MYO7B: variants seen among roughly 807,000 people sequenced by gnomAD.
MYO7B encodes the protein myosin VIIB.
In MYO7B, 212 loss-of-function variants were observed where a neutral mutation model predicts 259.7. That is an observed-to-expected ratio of 0.82 (90% CI 0.73 to 0.91). The LOEUF (loss-of-function observed/expected upper bound fraction) is 0.91. MYO7B is among the 40% of genes least tolerant of loss of function. The probability of loss-of-function intolerance (pLI) is 0.00; values close to 1 mark genes in which losing one functional copy is unlikely to be tolerated. For missense variants in MYO7B, 2,732 were observed against 2,813.5 expected (o/e 0.97, Z 0.66); for synonymous variants, 1,197 against 1,166.4 (o/e 1.03, Z -0.54).
intron 6 of MYO7B, among the ~76,000 whole-genome samples, chr2:127,572,588 CCTTT>C (rs1314457063): frequency 1.4e-5 from 2 of 148,018 alleles, no homozygotes; most frequent in East Asian, 2.0e-4. Context: ...CTCCTTCCTT[CCTTT>C]CTTTTTCTCC....
At chr2:127,630,117 G>A (rs1253263604) in intron 35 of MYO7B, among the ~76,000 whole-genome samples, 1 of 152,180 alleles carries the variant, frequency 6.6e-6, no homozygotes, top group South Asian at 2.1e-4. Flanking sequence ...CTCTGACCCA[G>A]GGGGACTCAA....
At chr2:127,632,108 G>A in intron 38 of MYO7B, 138 bp from the exon 39 acceptor site, 1 of 1,045,992 alleles carries the variant, frequency 9.6e-7, no homozygotes, top group Non-Finnish European at 1.4e-6. Flanking sequence ...AGCTGGCATG[G>A]TGCAGCCTGG....
Position 127,607,379 on chromosome 2 carries a change from C to A in MYO7B, c.2598C>A (p.Ala866=). 6.4e-7 allele frequency: 1 copy of A among 1,551,386 alleles called. No individual in the cohort carries two copies. The highest frequency in any genetic ancestry group is 2.0e-5 in the Admixed American group (1 of 51,008). Residue 866 remains alanine, a synonymous_variant, in exon 21 of 48, where the codon GCC becomes GCA. Transcript: ENST00000409816. This position sits in a 1 kb window ranked among gnomAD's most constrained non-coding sequence, Gnocchi z 4.4. The part of the protein sequence containing the change: ...RRAVVVIQAH[A]RGMAARRNFQ... Reference sequence around the variant, plus strand: ...CAGTGGTGGTCATTCAGGCCCATGCCAGGGGCATGGCTGCCCGGCGCAACT... The same window carrying A: ...CAGTGGTGGTCATTCAGGCCCATGCAAGGGGCATGGCTGCCCGGCGCAACT...
In MYO7B at chr2:127,628,986, C is replaced by T. The variant is rs1204979307; in HGVS notation, c.4624+451C>T. ...GAGCCTAGTTCTTGGCCACAGCTCT[C>T]CCACAAGCCAGCACTCCATCGAGAG... On this transcript the variant is annotated intron_variant, in intron 34 of 47. Transcript: ENST00000409816. This position sits in a 1 kb window ranked among gnomAD's most constrained non-coding sequence, Gnocchi z 4.8. Among the ~76,000 whole-genome samples, 1 of 152,226 alleles carries T rather than the reference C, an allele frequency of 6.6e-6. No individual in the cohort carries two copies. The highest frequency in any genetic ancestry group is 1.5e-5 in the Non-Finnish European group (1 of 68,032).
At chr2:127,612,453 G>A in intron 25 of MYO7B, 23 bp from the exon 26 acceptor site, 1 of 1,551,670 alleles carries the variant, frequency 6.4e-7, no homozygotes, top group South Asian at 1.2e-5. Context: ...TAGCTGTCCT[G>A]ATGGCTGCCT....
Position 127,587,293 on chromosome 2 carries a change from G to A in MYO7B, c.1691-1099G>A, listed in dbSNP as rs115713808. The stretch of plus-strand genomic sequence containing the variant: ...AGGCCATTCTTACTCATGGCCGGAG[G>A]GGAGACATGGGATCTTCTCACCCGC... On this transcript the variant is annotated intron_variant, in intron 14 of 47. Transcript: ENST00000409816. Among the ~76,000 whole-genome samples the A allele has an allele frequency of 1.0e-2, 1,522 of 152,252 alleles. 27 individuals are homozygous for A. The highest frequency in any genetic ancestry group is 0.035 in the African/African-American group (1,439 of 41,536).
At chr2:127,551,402 C>T (rs1693438868) in intron 1 of MYO7B, among the ~76,000 whole-genome samples, 1 of 152,192 alleles carries the variant, frequency 6.6e-6, no homozygotes, top group Non-Finnish European at 1.5e-5. Flanking sequence ...ACAACACGGG[C>T]CTCTCCTTAG....
rs1678905845 is a variant in MYO7B at position 127,577,210 on chromosome 2, G to T, written c.849+502G>T. On this transcript the variant is annotated intron_variant, in intron 8 of 47. Coordinates refer to ENST00000409816, the MANE Select transcript of MYO7B (RefSeq NM_001393586.1). This position sits in a 1 kb window ranked among gnomAD's most constrained non-coding sequence, Gnocchi z 5.2. ...GGCCCTCAGGAGAACTGCGCCTCCTGGTTTATTGACCACAGAGTGGACCCA... is the reference window on the plus strand; with the variant it reads ...GGCCCTCAGGAGAACTGCGCCTCCTTGTTTATTGACCACAGAGTGGACCCA... Among the ~76,000 whole-genome samples the T allele has an allele frequency of 6.6e-6, 1 of 152,078 alleles. No homozygotes were observed. The highest frequency in any genetic ancestry group is 2.4e-5 in the African/African-American group (1 of 41,404).
chr2:127,555,232 C>A (rs1310194435), intron 1 of MYO7B, among the ~76,000 whole-genome samples: 8 of 152,194 alleles, frequency 5.3e-5, no homozygotes, highest in Non-Finnish European at 1.5e-5. Flanking sequence ...CAGGCTTGAG[C>A]CACCGTGCCT....
chr2:127,628,984 C>T lies in MYO7B; in HGVS notation c.4624+449C>T, dbSNP rs1461416590. On this transcript the variant is annotated intron_variant, in intron 34 of 47. Coordinates refer to ENST00000409816, the MANE Select transcript of MYO7B (RefSeq NM_001393586.1). The surrounding 1 kb of genome is among the most constrained non-coding windows in gnomAD (Gnocchi z 4.8). ...GGGAGCCTAGTTCTTGGCCACAGCT[C>T]TCCCACAAGCCAGCACTCCATCGAG... Among the ~76,000 whole-genome samples the T allele has an allele frequency of 5.3e-5, 8 of 152,232 alleles. No individual in the cohort carries two copies. The highest frequency in any genetic ancestry group is 1.7e-4 in the African/African-American group (7 of 41,456).
intron 10 of MYO7B, 83 bp downstream of exon 10, chr2:127,580,905 A>AT: frequency 7.4e-7 from 1 of 1,344,032 alleles, no homozygotes; most frequent in Non-Finnish European, 1.0e-6. Context: ...CCTGATTCTT[A>AT]TAACCCTACC....
At chr2:127,578,831 A>G (rs1293497225) in intron 9 of MYO7B, among the ~76,000 whole-genome samples, 1 of 152,228 alleles carries the variant, frequency 6.6e-6, no homozygotes, top group African/African-American at 2.4e-5. Context: ...TAAACAGTAG[A>G]AATCGATCCA....
At position 127,634,614 on chromosome 2, in the gene MYO7B, G is replaced by A. The variant is rs149477491; in HGVS notation, c.5644G>A (p.Gly1882Arg). 2.5e-5 allele frequency: 40 copies of A among 1,612,644 alleles called. No individual in the cohort carries two copies. In the African/African-American group the frequency reaches 3.5e-4, roughly 14 times the overall value. ...ISDKVISQKE[G>R]DFFFDSLREV... Reference sequence around the variant, plus strand: ...TCCCCAGGTCATCAGCCAGAAGGAGGGAGACTTCTTCTTTGATTCCTTGAG... The same window carrying A: ...TCCCCAGGTCATCAGCCAGAAGGAGAGAGACTTCTTCTTTGATTCCTTGAG... Residue 1882 changes from glycine (G) to arginine (R), a missense_variant, in exon 42 of 48, where the codon GGA becomes AGA. By Grantham distance (125) the Gly-to-Arg change is moderately radical (BLOSUM62 -2). Around this residue, in one of 3 missense-constraint regions of MYO7B, gnomAD observed 821 missense variants for 769.3 expected, o/e 1.07. Coordinates refer to ENST00000409816, the MANE Select transcript of MYO7B (RefSeq NM_001393586.1).
chr2:127,612,717 C>T, intron 26 of MYO7B, 114 bp downstream of exon 26: 1 of 1,446,986 alleles, frequency 6.9e-7, no homozygotes, highest in Non-Finnish European at 9.2e-7. Context: ...TGTCCTGCGG[C>T]CTGCAGGCTG....
intron 19 of MYO7B, among the ~76,000 whole-genome samples, chr2:127,602,744 A>G (rs1393558974): frequency 6.6e-6 from 1 of 152,204 alleles, no homozygotes. Context: ...TATGCCTGTA[A>G]TCCCAGCACT....
Position 127,637,678 on chromosome 2 carries a change from A to C in MYO7B, c.*261A>C. On this transcript the variant is annotated 3_prime_UTR_variant, in exon 48 of 48. Coordinates refer to ENST00000409816, the MANE Select transcript of MYO7B (RefSeq NM_001393586.1). Reference sequence around the variant, plus strand: ...TGACTGACTGACAGGACACCTCCCAACCCCACCCCACCCCACCAGAATGTT... The same window carrying C: ...TGACTGACTGACAGGACACCTCCCACCCCCACCCCACCCCACCAGAATGTT... 1 of 388,684 alleles carries C rather than the reference A, an allele frequency of 2.6e-6. No homozygotes were observed. The highest frequency in any genetic ancestry group is 4.6e-6 in the Non-Finnish European group (1 of 217,556). The allele number at this position is 388,684 out of a possible 1,614,324, so 24.1% of individuals were successfully genotyped here.
At chr2:127,599,470 T>C (rs1369399422) in intron 19 of MYO7B, among the ~76,000 whole-genome samples, 1 of 152,198 alleles carries the variant, frequency 6.6e-6, no homozygotes, top group African/African-American at 2.4e-5. Flanking sequence ...CCTCTGCAAA[T>C]AGGGACAGTT....
intron 6 of MYO7B, among the ~76,000 whole-genome samples, chr2:127,571,442 G>GTTTTTTTTTTGTTT (rs1553448471): frequency 1.7e-4 from 7 of 41,984 alleles, no homozygotes; most frequent in South Asian, 8.3e-4. Context: ...TTACCAGTGA[G>GTTTTTTTTTTGTTT]TTTTTTTTTT....
chr2:127,637,452 C>T lies in MYO7B; in HGVS notation c.*35C>T, dbSNP rs1384841732. 6.9e-7 allele frequency: 1 copy of T among 1,442,330 alleles called. No individual in the cohort carries two copies. The highest frequency in any genetic ancestry group is 1.4e-5 in the South Asian group (1 of 70,158). The allele number at this position is 1,442,330 out of a possible 1,614,324, so 89.3% of individuals were successfully genotyped here. A position where few individuals can be genotyped will look rare whatever the true frequency, so the allele number is the denominator to read the frequency against. On this transcript the variant is annotated 3_prime_UTR_variant, in exon 48 of 48. Coordinates refer to ENST00000409816, the MANE Select transcript of MYO7B (RefSeq NM_001393586.1). The stretch of plus-strand genomic sequence containing the variant: ...CTGGCGTGTCTGCTCAGGCGCCCTT[C>T]CCGACCTCTAGCCTGGCGGCACCTT...
Sources: allele counts gnomAD v4.1 joint callset (sites outside exome capture counted in the v4.1 genomes callset), GRCh38; gene constraint gnomAD v4.1.1; regional missense constraint gnomAD v4.1.1; non-coding constraint Gnocchi (gnomAD v3.1); transcripts MANE v1.5; gene names NCBI Gene and HGNC (gene_info 2026-07-23, HGNC 2026-07-21).